FGF14: variants seen among roughly 807,000 people sequenced by gnomAD.
FGF14 encodes fibroblast growth factor homologous factor 4.
FGF14 carries 5 observed loss-of-function variants against 25.5 expected under a neutral mutation model. The observed-to-expected ratio is 0.20, with a 90% CI of 0.10 to 0.41. FGF14 has a LOEUF of 0.41. FGF14 is among the 10% of genes least tolerant of loss of function. The probability of loss-of-function intolerance (pLI) is 1.00; values close to 1 mark genes in which losing one functional copy is unlikely to be tolerated. For synonymous variants in FGF14, 138 were observed against 118.3 expected, an observed-to-expected ratio of 1.17 and a Z score of -1.08; for missense variants, 222 against 320.1, an observed-to-expected ratio of 0.69 and a Z score of 2.34.
chr13:102,365,738 A>ATG (rs961502704), intron 1 of FGF14, among the ~76,000 whole-genome samples: 56 of 151,594 alleles, frequency 3.7e-4, no homozygotes, highest in South Asian at 1.3e-3. Flanking sequence ...TTATGTATAT[A>ATG]TGTGTGTGTG....
chr13:102,063,753 G>T (rs780068437), intron 1 of FGF14, among the ~76,000 whole-genome samples: 1 of 151,978 alleles, frequency 6.6e-6, no homozygotes, highest in Non-Finnish European at 1.5e-5. Flanking sequence ...ACATGAATAA[G>T]ATTTTCAAAT....
intron 1 of FGF14, among the ~76,000 whole-genome samples, chr13:102,151,285 T>C (rs938189780): frequency 5.3e-5 from 8 of 152,242 alleles, no homozygotes; most frequent in Non-Finnish European, 1.0e-4. Flanking sequence ...CTGTGTGCCA[T>C]GTTGATTATG....
intron 1 of FGF14, among the ~76,000 whole-genome samples, chr13:102,398,065 T>C (rs1460433467): frequency 6.6e-6 from 1 of 150,770 alleles, no homozygotes; most frequent in Non-Finnish European, 1.5e-5. Context: ...CTGATAATAG[T>C]TGTTAGACTG....
chr13:102,265,726 T>C (rs2052955384), intron 1 of FGF14, among the ~76,000 whole-genome samples: 3 of 152,224 alleles, frequency 2.0e-5, no homozygotes, highest in South Asian at 2.1e-4. Flanking sequence ...GAAATCAAAA[T>C]TAGAATTCCA....
At chr13:101,965,766 G>GA (rs1270187582) in intron 1 of FGF14, among the ~76,000 whole-genome samples, 1 of 151,276 alleles carries the variant, frequency 6.6e-6, no homozygotes, top group Admixed American at 6.6e-5. Context: ...TTTAAGTAGA[G>GA]AAAAAAGAAT....
chr13:101,964,095 C>A (rs1475076986), intron 1 of FGF14, among the ~76,000 whole-genome samples: 1 of 152,194 alleles, frequency 6.6e-6, no homozygotes, highest in African/African-American at 2.4e-5. Context: ...TCAGCAAGAT[C>A]ACTGAAGGTA....
rs927339533 is a variant in FGF14 at position 101,715,987 on chromosome 13, G to C, written c.*6844C>G. ...GTAGGAAGGTATGCTGCAGACATTT[G>C]GTGGGTAGAGGCCAGGGATGCTGCT... On this transcript the variant is annotated 3_prime_UTR_variant, in exon 5 of 5. Transcript: ENST00000376143. 3.7e-6 allele frequency: 1 copy of C among 272,858 alleles called. No individual in the cohort carries two copies. The allele number at this position is 272,858 out of a possible 1,614,324, so 16.9% of individuals were successfully genotyped here.
intron 1 of FGF14, among the ~76,000 whole-genome samples, chr13:102,361,567 G>A (rs886506500): frequency 2.0e-5 from 3 of 152,158 alleles, no homozygotes; most frequent in African/African-American, 7.2e-5. Context: ...CAGAAATGCT[G>A]CTCTGTTTTC....
upstream of FGF14, among the ~76,000 whole-genome samples, chr13:101,920,723 G>A (rs973579597): frequency 1.3e-5 from 2 of 152,004 alleles, no homozygotes; most frequent in South Asian, 2.1e-4. Flanking sequence ...TAGATAATTC[G>A]AAACATAAGA....
At chr13:101,841,462 AC>A (rs1372292790) in intron 3 of FGF14, among the ~76,000 whole-genome samples, 1 of 152,012 alleles carries the variant, frequency 6.6e-6, no homozygotes, top group African/African-American at 2.4e-5. Context: ...GCAATAATAG[AC>A]ATTTTCCCAA....
chr13:102,049,031 A>G (rs1268342878), intron 1 of FGF14, among the ~76,000 whole-genome samples: 1 of 152,202 alleles, frequency 6.6e-6, no homozygotes, highest in Non-Finnish European at 1.5e-5. Context: ...TTATGATACG[A>G]AATAAAAAAC....
chr13:102,401,202 A>G (rs1455003964), intron 1 of FGF14, among the ~76,000 whole-genome samples: 1 of 150,022 alleles, frequency 6.7e-6, no homozygotes, highest in Non-Finnish European at 1.5e-5. Context: ...ATAGGCAACC[A>G]AATACATTAA....
At chr13:102,009,020 T>TA (rs1350926352) in intron 1 of FGF14, among the ~76,000 whole-genome samples, 1 of 151,978 alleles carries the variant, frequency 6.6e-6, no homozygotes, top group African/African-American at 2.4e-5. Context: ...TATGAGATTA[T>TA]AAAAAAAATT....
At position 101,726,677 on chromosome 13, in the gene FGF14, GC is replaced by G. The variant is rs767029650; in HGVS notation, c.541del (p.Ala181LeufsTer2). On this transcript the variant is annotated frameshift_variant, in exon 4 of 5. Transcript: ENST00000376143. LOFTEE classifies it high-confidence loss of function. ...WFLGLNKEGQ[A>X]MKGNRVKKTK... Reference sequence around the variant, plus strand: ...TTTCTTTACTCTGTTCCCTTTCATAGCTTGCCCTTCCTTATTTAATCCCAAA... The same window carrying G: ...TTTCTTTACTCTGTTCCCTTTCATAGTTGCCCTTCCTTATTTAATCCCAAA... The G allele has an allele frequency of 6.2e-7, 1 of 1,613,500 alleles. No homozygotes were observed. Among genetic ancestry groups the G allele is most frequent in the Non-Finnish European group, 8.5e-7 (1 of 1,179,648 alleles).
chr13:101,729,063 C>A (rs2035634051), intron 3 of FGF14, among the ~76,000 whole-genome samples: 1 of 151,992 alleles, frequency 6.6e-6, no homozygotes, highest in Admixed American at 6.5e-5. Context: ...GACACTATAT[C>A]TTTTCAGATG....
chr13:102,398,495 G>A (rs1321604968), intron 1 of FGF14, among the ~76,000 whole-genome samples: 1 of 152,114 alleles, frequency 6.6e-6, no homozygotes, highest in Non-Finnish European at 1.5e-5. Context: ...AAGAATAGGT[G>A]CTTTACACCA....
chr13:102,270,234 ATCTCTC>A (rs750909031), intron 1 of FGF14, among the ~76,000 whole-genome samples: 1 of 149,486 alleles, frequency 6.7e-6, no homozygotes, highest in African/African-American at 2.4e-5. Context: ...AATGTCTTTC[ATCTCTC>A]TCTCTCTCTC....
intron 1 of FGF14, among the ~76,000 whole-genome samples, chr13:102,387,281 T>C (rs2058327089): frequency 6.6e-6 from 1 of 152,212 alleles, no homozygotes; most frequent in East Asian, 1.9e-4. Context: ...TACTGACCCC[T>C]TGAAACACAA....
chr13:101,793,450 G>A (rs1360398745), intron 3 of FGF14, among the ~76,000 whole-genome samples: 1 of 152,080 alleles, frequency 6.6e-6, no homozygotes, highest in Non-Finnish European at 1.5e-5. Flanking sequence ...GTATATGTAT[G>A]TATCACATTG....
Sources: allele counts gnomAD v4.1 joint callset (sites outside exome capture counted in the v4.1 genomes callset), GRCh38; gene constraint gnomAD v4.1.1; transcripts MANE v1.5; gene names NCBI Gene and HGNC (gene_info 2026-07-23, HGNC 2026-07-21).